The following SELENOF variants were observed in gnomAD, a reference collection of about 807,000 sequenced individuals.
The protein encoded by SELENOF is selenoprotein F, also known as 15 kDa selenoprotein.
SELENOF carries 16 observed loss-of-function variants against 20.5 expected under a neutral mutation model. The ratio of observed to expected loss-of-function variants is 0.78; its 90% CI spans 0.53 to 1.19. The LOEUF (loss-of-function observed/expected upper bound fraction) is 1.19. Ranked by LOEUF, SELENOF falls within the 50% of genes most tolerant of loss-of-function variation. The pLI, the probability that SELENOF is intolerant of heterozygous loss-of-function variation, is 0.00. For synonymous variants in SELENOF, 78 were observed against 74.5 expected, an observed-to-expected ratio of 1.05 and a Z score of -0.24; for missense variants, 215 against 194.2, an observed-to-expected ratio of 1.11 and a Z score of -0.64.
chr1:86,906,037 G>T (rs1659818841), intron 1 of SELENOF, among the ~76,000 whole-genome samples: 2 of 152,208 alleles, frequency 1.3e-5, no homozygotes, highest in Non-Finnish European at 2.9e-5. Context: ...CCAATGAAAA[G>T]AAAATTTAAG....
At chr1:86,897,560 G>T (rs1242190296) in intron 2 of SELENOF, among the ~76,000 whole-genome samples, 1 of 152,060 alleles carries the variant, frequency 6.6e-6, no homozygotes, top group African/African-American at 2.4e-5. Context: ...AAATATCTAG[G>T]GGACTGCTTA....
In SELENOF at chr1:86,863,205, C is replaced by A; in HGVS notation, c.*269G>T. On this transcript the variant is annotated 3_prime_UTR_variant, in exon 5 of 5. Transcript: ENST00000331835. The stretch of plus-strand genomic sequence containing the variant: ...ACCAATTATCACAAACTATCATTTG[C>A]ATAATTAACCGCAAGTCTGTTACAA... The A allele has an allele frequency of 3.4e-6, 1 of 298,046 alleles. No individual in the cohort carries two copies. Among genetic ancestry groups the A allele is most frequent in the Non-Finnish European group, 6.2e-6 (1 of 161,202 alleles). The allele number at this position is 298,046 out of a possible 1,614,324, so 18.5% of individuals were successfully genotyped here.
intron 2 of SELENOF, among the ~76,000 whole-genome samples, chr1:86,899,942 C>T (rs1451614939): frequency 2.6e-5 from 4 of 151,752 alleles, no homozygotes; most frequent in Admixed American, 1.3e-4. Flanking sequence ...CTCCTCACAT[C>T]CCACACGGGG....
At chr1:86,885,299 G>T (rs79802787) in intron 2 of SELENOF, among the ~76,000 whole-genome samples, 3,045 of 152,178 alleles carry the variant, frequency 0.02, 54 homozygotes, top group African/African-American at 0.037. Context: ...TGTAGAAAAA[G>T]GCCACACTAT....
intron 1 of SELENOF, among the ~76,000 whole-genome samples, chr1:86,904,516 A>G (rs772848393): frequency 6.6e-6 from 1 of 152,132 alleles, no homozygotes; most frequent in Non-Finnish European, 1.5e-5. Context: ...TCTAAGGCCA[A>G]TCCCTCTACT....
intron 2 of SELENOF, among the ~76,000 whole-genome samples, chr1:86,899,272 T>C (rs1659608004): frequency 6.6e-6 from 1 of 151,132 alleles, no homozygotes; most frequent in African/African-American, 2.5e-5. Context: ...ACCATTGTCA[T>C]CATGGCCCGT....
At chr1:86,877,127 G>T (rs581405) in intron 3 of SELENOF, among the ~76,000 whole-genome samples, 39,374 of 151,994 alleles carry the variant, frequency 0.26, 6,284 homozygotes, top group African/African-American at 0.45. Context: ...AATAGTGATT[G>T]TCATACAGTA....
Position 86,873,044 on chromosome 1 carries a change from AAAATAAATAAATAAATAAATAAAT to A in SELENOF, c.317-4966_317-4943del, listed in dbSNP as rs71582985. ...CCTGGGCGACAGTGTGACTCCGTCT[AAAATAAATAAATAAATAAATAAAT>A]AAATAAATAAATAAATAAATAAATA... On this transcript the variant is annotated intron_variant, in intron 3 of 4. Coordinates refer to ENST00000331835, the MANE Select transcript of SELENOF (RefSeq NM_004261.5). Among the ~76,000 whole-genome samples the A allele has an allele frequency of 7.2e-4, 102 of 141,786 alleles. 1 individual carries two copies. The highest frequency in any genetic ancestry group is 2.5e-3 in the African/African-American group (98 of 38,910). 93.0% of individuals were successfully genotyped at this position (141,786 alleles called of 152,430 possible).
At chr1:86,865,752 C>T in intron 4 of SELENOF, among the ~76,000 whole-genome samples, 1 of 152,122 alleles carries the variant, frequency 6.6e-6, no homozygotes, top group East Asian at 1.9e-4. Flanking sequence ...CCATATGATC[C>T]AGCAATTCCA....
At chr1:86,894,723 G>A (rs930913307) in intron 2 of SELENOF, among the ~76,000 whole-genome samples, 1 of 152,126 alleles carries the variant, frequency 6.6e-6, no homozygotes, top group African/African-American at 2.4e-5. Context: ...AATAATCCCA[G>A]CTACCTGGGA....
At chr1:86,882,742 T>TG (rs1346023235) in intron 2 of SELENOF, among the ~76,000 whole-genome samples, 1 of 151,978 alleles carries the variant, frequency 6.6e-6, no homozygotes, top group African/African-American at 2.4e-5. Flanking sequence ...AGCCAAAAGG[T>TG]GGGAAAAAAC....
At chr1:86,888,667 A>G (rs17451626) in intron 2 of SELENOF, among the ~76,000 whole-genome samples, 12,465 of 152,266 alleles carry the variant, frequency 0.082, 686 homozygotes, top group Non-Finnish European at 0.12. Context: ...TGATCAACAT[A>G]TATATATTTT....
chr1:86,901,282 G>A (rs1659700030), intron 2 of SELENOF, among the ~76,000 whole-genome samples: 1 of 152,056 alleles, frequency 6.6e-6, no homozygotes, highest in Non-Finnish European at 1.5e-5. Context: ...GAACAATATT[G>A]CATAGATTAA....
intron 1 of SELENOF, among the ~76,000 whole-genome samples, chr1:86,911,806 C>CA (rs1422910263): frequency 2.8e-5 from 4 of 143,542 alleles, no homozygotes; most frequent in African/African-American, 1.1e-4. Flanking sequence ...TTTTTTGAGA[C>CA]AGAGTCCTGC....
intron 2 of SELENOF, chr1:86,887,175 G>C (rs1379563963): frequency 6.5e-7 from 1 of 1,542,030 alleles, no homozygotes; most frequent in Admixed American, 2.0e-5. Context: ...TGGCATTCTT[G>C]CTTAGAAACA....
chr1:86,903,344 C>T lies in SELENOF; in HGVS notation c.189G>A (p.Leu63=), dbSNP rs772834105. 65 of 1,612,156 alleles carry T rather than the reference C, an allele frequency of 4.0e-5. No individual in the cohort carries two copies. The highest frequency in any genetic ancestry group is 5.4e-5 in the Non-Finnish European group (64 of 1,179,118). ...SSCDLLGQFN[L]LQLDPDCRGC... is the part of the protein sequence containing the mutation. Reference sequence around the variant, plus strand: ...CTCTGCAATCAGGATCCAGCTGAAGCAGGTTGAACTGTCCGAGAAGATCAC... The same window carrying T: ...CTCTGCAATCAGGATCCAGCTGAAGTAGGTTGAACTGTCCGAGAAGATCAC... Residue 63 remains leucine (L), a synonymous_variant, in exon 2 of 5, where the codon CTG becomes CTA. Transcript: ENST00000331835.
At chr1:86,900,414 C>T (rs1177959976) in intron 2 of SELENOF, among the ~76,000 whole-genome samples, 8 of 149,514 alleles carry the variant, frequency 5.4e-5, no homozygotes, top group South Asian at 2.1e-4. Flanking sequence ...AGCGAAACCC[C>T]GTCTCCACCA....
chr1:86,877,223 T>C (rs1570380040), intron 3 of SELENOF, among the ~76,000 whole-genome samples: 1 of 152,214 alleles, frequency 6.6e-6, no homozygotes, highest in African/African-American at 2.4e-5. Context: ...TTACATGTTA[T>C]CTCATTAATC....
intron 2 of SELENOF, among the ~76,000 whole-genome samples, chr1:86,882,093 G>A (rs867219627): frequency 2.6e-5 from 4 of 151,546 alleles, no homozygotes; most frequent in Admixed American, 6.6e-5. Context: ...TTAGCTGGGC[G>A]TGGTGGCGCA....
Sources: gnomAD v4.1 joint callset for allele counts (sites outside exome capture counted in the v4.1 genomes callset) on GRCh38, gnomAD v4.1.1 for gene constraint, MANE v1.5 for transcripts, NCBI Gene and HGNC (gene_info 2026-07-23, HGNC 2026-07-21) for gene names.